The following ROBO1 variants were observed in gnomAD, a reference collection of about 807,000 sequenced individuals.
The protein encoded by ROBO1 is roundabout homolog 1.
A neutral mutation model predicts 195.9 loss-of-function variants in ROBO1; 149 were observed. The observed-to-expected ratio is 0.76, with a 90% confidence interval of 0.67 to 0.87. ROBO1 has a LOEUF of 0.87. Ranked by LOEUF, ROBO1 falls within the 40% of genes least tolerant of loss-of-function variation. ROBO1 has a pLI of 0.00. For missense variants in ROBO1, 1,933 were observed against 2,068.3 expected (o/e 0.93, Z 1.27); for synonymous variants, 816 against 733.2 (o/e 1.11, Z -1.82).
chr3:78,793,902 C>T (rs921498476), intron 4 of ROBO1, among the ~76,000 whole-genome samples: 6 of 151,816 alleles, frequency 4.0e-5, no homozygotes, highest in Admixed American at 2.6e-4. Flanking sequence ...CAAAGAAGCA[C>T]TGAATTATTT....
chr3:78,720,837 C>T (rs1334408020), intron 5 of ROBO1, among the ~76,000 whole-genome samples: 1 of 151,414 alleles, frequency 6.6e-6, no homozygotes, highest in East Asian at 1.9e-4. Context: ...AGCAAAGTAT[C>T]ACAAGAACAA....
At chr3:79,565,403 A>C (rs1943058565) in intron 2 of ROBO1, among the ~76,000 whole-genome samples, 1 of 152,046 alleles carries the variant, frequency 6.6e-6, no homozygotes, top group African/African-American at 2.4e-5. Context: ...ATACTGTATT[A>C]CTATTTGAAA....
chr3:78,661,954 C>T (rs549738605), intron 15 of ROBO1, 39 bp downstream of exon 15: 57 of 1,593,110 alleles, frequency 3.6e-5, no homozygotes, highest in Admixed American at 1.4e-4. Context: ...ATCTCGCAGA[C>T]GCTTATTAAA....
intron 2 of ROBO1, among the ~76,000 whole-genome samples, chr3:79,443,178 C>G (rs1293724364): frequency 6.6e-6 from 1 of 152,080 alleles, no homozygotes; most frequent in Non-Finnish European, 1.5e-5. Context: ...ATTTCTGTGA[C>G]TAGAGGAGAA....
At chr3:78,804,221 T>A (rs777767062) in intron 4 of ROBO1, among the ~76,000 whole-genome samples, 1 of 152,218 alleles carries the variant, frequency 6.6e-6, no homozygotes, top group African/African-American at 2.4e-5. Context: ...GAGACTTGTG[T>A]CTGTTTATCT....
Position 78,826,055 on chromosome 3 carries a change from A to G in ROBO1, c.500-79155T>C, listed in dbSNP as rs537311772. On this transcript the variant is annotated intron_variant, in intron 4 of 30. Transcript: ENST00000464233. The stretch of plus-strand genomic sequence containing the variant: ...CTGTTTGTAGTATGGCCACAGAGCT[A>G]TAGCATATTTTACTTTCCCTGATAA... Among the ~76,000 whole-genome samples the G allele has an allele frequency of 4.6e-5, 7 of 152,288 alleles. 1 individual carries two copies. The highest frequency in any genetic ancestry group is 1.0e-4 in the Non-Finnish European group (7 of 68,006).
chr3:79,342,169 G>A (rs1456528987), intron 2 of ROBO1, among the ~76,000 whole-genome samples: 1 of 152,148 alleles, frequency 6.6e-6, no homozygotes, highest in Non-Finnish European at 1.5e-5. Context: ...AGCTGACAGA[G>A]GACCTTGAAT....
chr3:79,681,225 G>C (rs1265361650), intron 1 of ROBO1, among the ~76,000 whole-genome samples: 1 of 151,972 alleles, frequency 6.6e-6, no homozygotes, highest in Non-Finnish European at 1.5e-5. Flanking sequence ...ATTTGGGTAG[G>C]AACGGCTTTA....
chr3:79,375,120 G>T lies in ROBO1; in HGVS notation c.88+214704C>A, dbSNP rs369471514. Among the ~76,000 whole-genome samples, 29 of 152,300 alleles carry T rather than the reference G, an allele frequency of 1.9e-4. No homozygotes were observed. The South Asian group carries it at 6.0e-3, about 32-fold the overall frequency. ...ACAAACACCCACATTATAAAGGAGG[G>T]TGAATCAAATGGCTTAACTGGATTT... On this transcript the variant is annotated intron_variant, in intron 2 of 30. Transcript: ENST00000464233.
intron 4 of ROBO1, among the ~76,000 whole-genome samples, chr3:78,761,829 A>G (rs1287514164): frequency 6.6e-6 from 1 of 152,184 alleles, no homozygotes; most frequent in East Asian, 1.9e-4. Flanking sequence ...ACACACTCAC[A>G]TTATAATTTA....
intron 1 of ROBO1, among the ~76,000 whole-genome samples, chr3:79,748,458 T>A (rs1396091961): frequency 6.6e-6 from 1 of 152,252 alleles, no homozygotes; most frequent in African/African-American, 2.4e-5. Context: ...TGGATCTCCA[T>A]ACACATTTAA....
chr3:78,943,486 T>C (rs1025150989), intron 3 of ROBO1, among the ~76,000 whole-genome samples: 2 of 152,200 alleles, frequency 1.3e-5, no homozygotes, highest in Non-Finnish European at 2.9e-5. Context: ...ATAAAAATGT[T>C]TTCCATATTA....
chr3:79,022,697 C>T (rs182575975), intron 3 of ROBO1, among the ~76,000 whole-genome samples: 43 of 152,292 alleles, frequency 2.8e-4, no homozygotes, highest in Admixed American at 2.5e-3. Context: ...AACTTGTACT[C>T]AGGAACCCTT....
At chr3:78,742,745 T>C (rs1024455709) in intron 5 of ROBO1, among the ~76,000 whole-genome samples, 6 of 152,194 alleles carry the variant, frequency 3.9e-5, no homozygotes, top group South Asian at 2.1e-4. Context: ...AAGTTATTTA[T>C]ATATTAACAT....
chr3:79,270,827 C>T (rs12629261), intron 2 of ROBO1, among the ~76,000 whole-genome samples: 29,017 of 151,736 alleles, frequency 0.19, 3,142 homozygotes, highest in African/African-American at 0.3. Context: ...ATGGCTTTTT[C>T]GGCTTGACAA....
intron 4 of ROBO1, among the ~76,000 whole-genome samples, chr3:78,921,908 TC>T (rs748916963): frequency 6.6e-6 from 1 of 151,846 alleles, no homozygotes; most frequent in Non-Finnish European, 1.5e-5. Context: ...TTCCTTGGCC[TC>T]CCGAGTAGCT....
intron 1 of ROBO1, among the ~76,000 whole-genome samples, chr3:79,659,626 A>G (rs991203299): frequency 1.3e-5 from 2 of 151,604 alleles, no homozygotes; most frequent in African/African-American, 4.8e-5. Context: ...AAAAAACACA[A>G]TATTTTTTGG....
At chr3:78,712,034 A>T (rs201015669) in intron 8 of ROBO1, among the ~76,000 whole-genome samples, 1 of 111,810 alleles carries the variant, frequency 8.9e-6, no homozygotes, top group African/African-American at 3.3e-5. Context: ...AAAAAAAAAA[A>T]AAAAAAAAAA....
intron 5 of ROBO1, among the ~76,000 whole-genome samples, chr3:78,722,975 T>C (rs899297501): frequency 1.3e-5 from 2 of 152,204 alleles, no homozygotes; most frequent in Non-Finnish European, 2.9e-5. Context: ...AGTTAATGAT[T>C]TAATATTGTT....
Sources: allele counts gnomAD v4.1 joint callset (sites outside exome capture counted in the v4.1 genomes callset), GRCh38; gene constraint gnomAD v4.1.1; transcripts MANE v1.5; gene names NCBI Gene and HGNC (gene_info 2026-07-23, HGNC 2026-07-21).